RELA: variants seen among roughly 807,000 people sequenced by gnomAD.
RELA encodes transcription factor p65.
A neutral mutation model predicts 56.7 loss-of-function variants in RELA; 14 were observed. The observed-to-expected ratio is 0.25, with a 90% CI of 0.16 to 0.39. The LOEUF (loss-of-function observed/expected upper bound fraction) is 0.39. RELA is among the 10% of genes least tolerant of loss of function. RELA has a pLI of 1.00. For missense variants in RELA, 559 were observed against 736.4 expected (o/e 0.76, Z 2.79); for synonymous variants, 315 against 289.7 (o/e 1.09, Z -0.89).
chr11:65,654,532 G>T lies in RELA; in HGVS notation c.1502C>A (p.Thr501Asn). The T allele has an allele frequency of 6.2e-7, 1 of 1,611,906 alleles. No homozygotes were observed. Among genetic ancestry groups the T allele is most frequent in the Non-Finnish European group, 8.5e-7 (1 of 1,179,132 alleles). The change falls in exon 11 of 11, where the codon ACT becomes AAT. Residue 501 changes from threonine (T) to asparagine (N), a missense_variant. By Grantham distance (65) the Thr-to-Asn change is moderately conservative. Coordinates refer to ENST00000406246, the MANE Select transcript of RELA (RefSeq NM_021975.4). Reference protein sequence around the residue: ...PMLMEYPEAITRLVTGAQRPP... With the variant: ...PMLMEYPEAINRLVTGAQRPP... ...CCTCTGGGCCCCTGTCACTAGGCGA[G>T]TTATAGCCTCAGGGTACTCCATCAG...
rs1333457976 is a variant in RELA at position 65,655,877 on chromosome 11, G to T, written c.936C>A (p.Ile312=). The T allele has an allele frequency of 6.2e-7, 1 of 1,613,998 alleles. No homozygotes were observed. Among genetic ancestry groups the T allele is most frequent in the East Asian group, 2.2e-5 (1 of 44,900 alleles). ...CACCGCTGAAAGGACTCTTCTTCAT[G>T]ATGCTCTTGAAGGTCTCATATGTCC... is the stretch of plus-strand genomic sequence containing the variant. The part of the protein sequence containing the change: ...RKRTYETFKS[I]MKKSPFSGPT... Residue 312 remains isoleucine, a synonymous_variant, in exon 9 of 11, where the codon ATC becomes ATA. Coordinates refer to ENST00000406246, the MANE Select transcript of RELA (RefSeq NM_021975.4).
intron 6 of RELA, 95 bp downstream of exon 6, chr11:65,659,571 A>C: frequency 4.1e-6 from 6 of 1,468,544 alleles, no homozygotes; most frequent in Non-Finnish European, 5.6e-6. Flanking sequence ...GATTGAATGA[A>C]GCCAGAGCGC....
intron 5 of RELA, 102 bp downstream of exon 5, chr11:65,660,022 G>T: frequency 2.3e-6 from 3 of 1,294,534 alleles, no homozygotes; most frequent in Non-Finnish European, 2.2e-6. Flanking sequence ...TGGGCACCAA[G>T]ATTCCAGCTT....
Position 65,654,280 on chromosome 11 carries a change from G to T in RELA, c.*98C>A. 6.8e-7 allele frequency: 1 copy of T among 1,474,656 alleles called. No individual in the cohort carries two copies. Among genetic ancestry groups the T allele is most frequent in the Non-Finnish European group, 9.4e-7 (1 of 1,060,016 alleles). The allele number at this position is 1,474,656 out of a possible 1,614,324, so 91.3% of individuals were successfully genotyped here. On this transcript the variant is annotated 3_prime_UTR_variant, in exon 11 of 11. Coordinates refer to ENST00000406246, the MANE Select transcript of RELA (RefSeq NM_021975.4). ...TCCAAGGAAGACATCCACAAAGTTG[G>T]GGGCAGTTGGAACACACCCCACCAG...
At chr11:65,655,956 A>C in intron 8 of RELA, 21 bp from the exon 9 acceptor site, 1 of 1,610,500 alleles carries the variant, frequency 6.2e-7, no homozygotes, top group South Asian at 1.1e-5. Flanking sequence ...AAGGGGGAGA[A>C]GTGGGACTTG....
intron 8 of RELA, among the ~76,000 whole-genome samples, chr11:65,657,564 T>C (rs1013283204): frequency 1.3e-5 from 2 of 152,222 alleles, no homozygotes. Context: ...TGGCCCTGAA[T>C]AGGCCGTGCA....
Position 65,654,500 on chromosome 11 carries a change from C to T in RELA, c.1534G>A (p.Asp512Asn), listed in dbSNP as rs1463059248. 5.0e-6 allele frequency: 8 copies of T among 1,601,020 alleles called. No individual in the cohort carries two copies. Among genetic ancestry groups the T allele is most frequent in the Non-Finnish European group, 6.8e-6 (8 of 1,175,292 alleles). The change falls in exon 11 of 11, where the codon GAC becomes AAC. Residue 512 changes from aspartate (D) to asparagine (N), a missense_variant. Coordinates refer to ENST00000406246, the MANE Select transcript of RELA (RefSeq NM_021975.4). ...GCCCCCAGTGGAGCAGGAGCTGGGT[C>T]GGGGGGCCTCTGGGCCCCTGTCACT... ...RLVTGAQRPP[D>N]PAPAPLGAPG...
chr11:65,662,485 C>T (rs1045682281), intron 1 of RELA: 19 of 481,714 alleles, frequency 3.9e-5, no homozygotes, highest in African/African-American at 3.8e-4. Context: ...GCACGCCCCA[C>T]CTCCCTCCAG....
Position 65,662,903 on chromosome 11 carries a change from C to T in RELA, c.-71G>A. ...GCGTGCACTACAGACGAGCCATTCGCCAGAGGCGGAAATGCGCCGCGCGGC... is the reference window on the plus strand; with the variant it reads ...GCGTGCACTACAGACGAGCCATTCGTCAGAGGCGGAAATGCGCCGCGCGGC... On this transcript the variant is annotated 5_prime_UTR_variant, in exon 1 of 11. Transcript: ENST00000406246. 8.6e-7 allele frequency: 1 copy of T among 1,156,796 alleles called. No homozygotes were observed. The highest frequency in any genetic ancestry group is 1.1e-6 in the Non-Finnish European group (1 of 933,564). The allele number at this position is 1,156,796 out of a possible 1,614,324, so 71.7% of individuals were successfully genotyped here.
intron 4 of RELA, 108 bp from the exon 5 acceptor site, chr11:65,660,323 T>A: frequency 1.1e-6 from 1 of 945,258 alleles, no homozygotes; most frequent in Non-Finnish European, 1.7e-6. Context: ...CATCGCTCCA[T>A]GCCTAACCCT....
Position 65,654,561 on chromosome 11 carries a change from G to A in RELA, c.1473C>T (p.Pro491=). Reference sequence around the variant, plus strand: ...TAGCCTCAGGGTACTCCATCAGCATGGGCTCAGTTGTGTGGGGGGCCACAG... The same window carrying A: ...TAGCCTCAGGGTACTCCATCAGCATAGGCTCAGTTGTGTGGGGGGCCACAG... ...GIPVAPHTTE[P]MLMEYPEAIT... is the part of the protein sequence containing the mutation. The change falls in exon 11 of 11, where the codon CCC becomes CCT. Residue 491 remains proline, a synonymous_variant. Transcript: ENST00000406246. The A allele has an allele frequency of 6.2e-7, 1 of 1,613,628 alleles. No homozygotes were observed.
chr11:65,656,723 T>C (rs1856439104), intron 8 of RELA, among the ~76,000 whole-genome samples: 1 of 152,134 alleles, frequency 6.6e-6, no homozygotes, highest in Non-Finnish European at 1.5e-5. Context: ...CACAATCATA[T>C]ATACAAACCA....
At chr11:65,659,991 G>A in intron 5 of RELA, 133 bp downstream of exon 5, 1 of 1,159,196 alleles carries the variant, frequency 8.6e-7, no homozygotes, top group Non-Finnish European at 1.3e-6. Context: ...TTTCCCAGTG[G>A]TAAAGTGGGA....
At chr11:65,655,615 T>G (rs1245687625) in intron 10 of RELA, 73 bp downstream of exon 10, 6 of 1,449,354 alleles carry the variant, frequency 4.1e-6, no homozygotes, top group Non-Finnish European at 5.8e-6. Flanking sequence ...GGCCCAGGAG[T>G]CTTCATCTCC....
intron 4 of RELA, chr11:65,661,382 G>C (rs1262137921): frequency 1.3e-5 from 4 of 300,798 alleles, no homozygotes; most frequent in Non-Finnish European, 2.5e-5. Context: ...CCAGGGGAGA[G>C]TGCTGGTTCA....
At chr11:65,661,637 C>A in intron 4 of RELA, 50 bp downstream of exon 4, 1 of 1,510,926 alleles carries the variant, frequency 6.6e-7, no homozygotes, top group Non-Finnish European at 8.9e-7. Flanking sequence ...TACTTCATAG[C>A]CCGCCTCCTG....
chr11:65,655,720 G>C lies in RELA; in HGVS notation c.1001C>G (p.Pro334Arg). ...PRPPPRRIAVPSRSSASVPKP... is the reference protein window; with the variant it reads ...PRPPPRRIAVRSRSSASVPKP... Reference sequence around the variant, plus strand: ...GGGGACAGAAGCTGAGCTGCGGGAAGGCACAGCAATGCGTCGAGGTGGAGG... The same window carrying C: ...GGGGACAGAAGCTGAGCTGCGGGAACGCACAGCAATGCGTCGAGGTGGAGG... The change falls in exon 10 of 11, where the codon CCT becomes CGT. Residue 334 changes from proline to arginine, a missense_variant. Pro to Arg is a moderately radical substitution (Grantham distance 103, BLOSUM62 -2). Coordinates refer to ENST00000406246, the MANE Select transcript of RELA (RefSeq NM_021975.4). The C allele has an allele frequency of 6.2e-7, 1 of 1,614,142 alleles. No individual in the cohort carries two copies. Among genetic ancestry groups the C allele is most frequent in the Non-Finnish European group, 8.5e-7 (1 of 1,180,016 alleles).
Position 65,654,490 on chromosome 11 carries a change from G to A in RELA, c.1544C>T (p.Pro515Leu). The A allele has an allele frequency of 6.2e-7, 1 of 1,601,998 alleles. No homozygotes were observed. Among genetic ancestry groups the A allele is most frequent in the Non-Finnish European group, 8.5e-7 (1 of 1,175,978 alleles). The part of the protein sequence containing the change: ...TGAQRPPDPA[P>L]APLGAPGLPN... The stretch of plus-strand genomic sequence containing the variant: ...GAGCCCCGGGGCCCCCAGTGGAGCA[G>A]GAGCTGGGTCGGGGGGCCTCTGGGC... The change falls in exon 11 of 11, where the codon CCT becomes CTT. Residue 515 changes from proline (P) to leucine (L), a missense_variant. By Grantham distance (98) the Pro-to-Leu change is moderately conservative. This residue lies in a region of RELA where 365 missense variants were observed against 387.5 expected (regional missense o/e 0.94). Coordinates refer to ENST00000406246, the MANE Select transcript of RELA (RefSeq NM_021975.4).
rs1232681967 is a variant in RELA at position 65,658,535 on chromosome 11, T to A, written c.665-36A>T. 1 of 1,531,568 alleles carries A rather than the reference T, an allele frequency of 6.5e-7. No individual in the cohort carries two copies. Among genetic ancestry groups the A allele is most frequent in the Non-Finnish European group, 9.0e-7 (1 of 1,115,908 alleles). The allele number at this position is 1,531,568 out of a possible 1,614,324, so 94.9% of individuals were successfully genotyped here. On this transcript the variant is annotated intron_variant, in intron 7 of 10. Coordinates refer to ENST00000406246, the MANE Select transcript of RELA (RefSeq NM_021975.4). The surrounding 1 kb of genome is among the most constrained non-coding windows in gnomAD (Gnocchi z 4.5). ...TGCGGTGGCAGTGTGGGTCAGTGTGTCTAACCCTCCATGGTCTCCCCCTCA... is the reference window on the plus strand; with the variant it reads ...TGCGGTGGCAGTGTGGGTCAGTGTGACTAACCCTCCATGGTCTCCCCCTCA...
Sources: gnomAD v4.1 joint callset for allele counts (sites outside exome capture counted in the v4.1 genomes callset) on GRCh38, gnomAD v4.1.1 for gene constraint, gnomAD v4.1.1 regional missense constraint, Gnocchi (gnomAD v3.1) non-coding constraint, MANE v1.5 for transcripts, NCBI Gene and HGNC (gene_info 2026-07-23, HGNC 2026-07-21) for gene names.